The following C1orf87 variants were observed in gnomAD, a reference collection of about 807,000 sequenced individuals.
The protein encoded by C1orf87 is chromosome 1 open reading frame 87.
C1orf87 carries 58 observed loss-of-function variants against 60.5 expected under a neutral mutation model. The ratio of observed to expected loss-of-function variants is 0.96; its 90% CI spans 0.78 to 1.19. The LOEUF (loss-of-function observed/expected upper bound fraction) is 1.19. Ranked by LOEUF, C1orf87 falls within the 50% of genes most tolerant of loss-of-function variation. C1orf87 has a pLI of 0.00. For synonymous variants in C1orf87, 236 were observed against 227.4 expected (o/e 1.04, Z -0.34); for missense variants, 673 against 638.6 (o/e 1.05, Z -0.58).
At chr1:60,064,555 A>T (rs941773894) in intron 2 of C1orf87, among the ~76,000 whole-genome samples, 2 of 126,472 alleles carry the variant, frequency 1.6e-5, no homozygotes, top group East Asian at 2.1e-4. Flanking sequence ...TATATATTTT[A>T]TATATATAAA....
rs528998060 is a variant in C1orf87 at position 60,069,139 on chromosome 1, T to A, written c.107+3398A>T. On this transcript the variant is annotated intron_variant, in intron 2 of 11. Transcript: ENST00000371201. ...GTAAGCATGTACTATTCCTTACGGG[T>A]GTTACAGGAGCCCCCAGGTGGGGCA... Among the ~76,000 whole-genome samples, 11 of 152,114 alleles carry A rather than the reference T, an allele frequency of 7.2e-5. No individual in the cohort carries two copies. In the South Asian group the frequency reaches 2.3e-3, roughly 32 times the overall value.
chr1:60,054,258 T>G (rs186572506), intron 3 of C1orf87, among the ~76,000 whole-genome samples: 1 of 152,290 alleles, frequency 6.6e-6, no homozygotes, highest in Admixed American at 6.5e-5. Flanking sequence ...ATTTCTGGTC[T>G]TCAGTGTTCA....
intron 3 of C1orf87, among the ~76,000 whole-genome samples, chr1:60,051,122 T>C (rs1369243979): frequency 6.6e-6 from 1 of 152,206 alleles, no homozygotes; most frequent in African/African-American, 2.4e-5. Context: ...ACTCTATTTA[T>C]GGAAAAGAAT....
intron 8 of C1orf87, among the ~76,000 whole-genome samples, chr1:60,021,107 C>T (rs1196425403): frequency 6.6e-6 from 1 of 152,190 alleles, no homozygotes; most frequent in African/African-American, 2.4e-5. Context: ...TTGCTTTTCA[C>T]TGTGATTGTA....
Position 60,037,971 on chromosome 1 carries a change from C to T in C1orf87, c.863+21G>A, listed in dbSNP as rs1307485521. The T allele has an allele frequency of 6.5e-6, 10 of 1,537,594 alleles. No homozygotes were observed. In the South Asian group the frequency reaches 1.0e-4, roughly 16 times the overall value. On this transcript the variant is annotated intron_variant, in intron 6 of 11. Coordinates refer to ENST00000371201, the MANE Select transcript of C1orf87 (RefSeq NM_152377.3). ...CTAAGACACCTAGGAACAATACCCT[C>T]ACAAAAAGGGAGAAGAGTACCTTTG...
chr1:60,071,778 C>A (rs373583866), intron 2 of C1orf87, among the ~76,000 whole-genome samples: 1 of 152,106 alleles, frequency 6.6e-6, no homozygotes, highest in East Asian at 1.9e-4. Context: ...TTCAACAATA[C>A]CATATCTTTG....
chr1:60,034,976 A>G (rs548968190), intron 6 of C1orf87, among the ~76,000 whole-genome samples: 84 of 151,536 alleles, frequency 5.5e-4, no homozygotes, highest in Middle Eastern at 3.4e-3. Flanking sequence ...GCTCCAAATT[A>G]TACTATTCTG....
intron 8 of C1orf87, among the ~76,000 whole-genome samples, chr1:60,025,136 C>G (rs1236443339): frequency 1.3e-5 from 2 of 152,174 alleles, no homozygotes; most frequent in East Asian, 3.8e-4. Flanking sequence ...ACCTTAAGTT[C>G]TTGCTGAGGA....
At chr1:60,044,137 C>A (rs1272981347) in intron 3 of C1orf87, among the ~76,000 whole-genome samples, 1 of 152,238 alleles carries the variant, frequency 6.6e-6, no homozygotes, top group Non-Finnish European at 1.5e-5. Flanking sequence ...TCACACCATT[C>A]TCTTGCCTCA....
chr1:60,027,319 G>A (rs905687155), intron 7 of C1orf87, among the ~76,000 whole-genome samples: 38 of 152,116 alleles, frequency 2.5e-4, no homozygotes, highest in Admixed American at 1.5e-3. Flanking sequence ...GCCAAGTACA[G>A]AGCCTGCTGG....
rs1029213118 is a variant in C1orf87 at position 60,023,770 on chromosome 1, A to G, written c.1127+1631T>C. 2.0e-5 allele frequency among the ~76,000 whole-genome samples: 3 copies of G among 152,066 alleles called. No individual in the cohort carries two copies. In the East Asian group the frequency reaches 5.8e-4, roughly 29 times the overall value. On this transcript the variant is annotated intron_variant, in intron 8 of 11. Coordinates refer to ENST00000371201, the MANE Select transcript of C1orf87 (RefSeq NM_152377.3). ...GGCTATCCCATTACATTTAGTCTTC[A>G]TGTCTTCTTATGTTCTTGTTGGCTG...
intron 9 of C1orf87, among the ~76,000 whole-genome samples, chr1:60,007,619 A>G (rs1295240600): frequency 6.6e-6 from 1 of 151,996 alleles, no homozygotes; most frequent in Non-Finnish European, 1.5e-5. Context: ...TTCAGTTTGA[A>G]TTCCAAGTAA....
chr1:59,990,859 G>C, intron 11 of C1orf87, 26 bp from the exon 12 acceptor site: 1 of 1,607,652 alleles, frequency 6.2e-7, no homozygotes, highest in Non-Finnish European at 8.5e-7. Context: ...GTAGGAGGAA[G>C]GTTTTTTAAA....
chr1:60,072,511 T>C (rs959340705), intron 2 of C1orf87, 26 bp downstream of exon 2: 6 of 1,490,348 alleles, frequency 4.0e-6, no homozygotes, highest in African/African-American at 2.8e-5. Flanking sequence ...CCAAGCAACA[T>C]AGATATTTTT....
At chr1:60,054,760 A>G (rs1645440692) in intron 3 of C1orf87, among the ~76,000 whole-genome samples, 1 of 152,190 alleles carries the variant, frequency 6.6e-6, no homozygotes, top group African/African-American at 2.4e-5. Flanking sequence ...AGTGGTATAT[A>G]TTTCTATCAA....
chr1:60,028,837 T>C (rs1362124415), intron 7 of C1orf87, among the ~76,000 whole-genome samples: 1 of 152,176 alleles, frequency 6.6e-6, no homozygotes, highest in African/African-American at 2.4e-5. Flanking sequence ...TCTTTGTTTT[T>C]TGCTTTTTTT....
At chr1:60,000,555 T>C (rs1644994715) in intron 10 of C1orf87, among the ~76,000 whole-genome samples, 1 of 152,088 alleles carries the variant, frequency 6.6e-6, no homozygotes, top group Admixed American at 6.6e-5. Context: ...AAATTCTGTC[T>C]ACAACTTCTC....
chr1:60,054,936 C>T (rs1381730553), intron 3 of C1orf87, among the ~76,000 whole-genome samples: 1 of 152,140 alleles, frequency 6.6e-6, no homozygotes, highest in Admixed American at 6.5e-5. Context: ...GAGCTAACCA[C>T]AGGCAGAATA....
At chr1:60,033,427 C>T in intron 7 of C1orf87, 49 bp downstream of exon 7, 1 of 1,561,882 alleles carries the variant, frequency 6.4e-7, no homozygotes, top group Non-Finnish European at 8.8e-7. Context: ...ACCCAATGCC[C>T]TGAAGTGGCC....
Sources: gnomAD v4.1 joint callset for allele counts (sites outside exome capture counted in the v4.1 genomes callset) on GRCh38, gnomAD v4.1.1 for gene constraint, MANE v1.5 for transcripts, NCBI Gene and HGNC (gene_info 2026-07-23, HGNC 2026-07-21) for gene names.